The following MYO5B variants were observed in gnomAD, a reference collection of about 807,000 sequenced individuals.
The protein encoded by MYO5B is myosin VB.
Under a neutral mutation model 229.3 loss-of-function variants are expected in MYO5B, and 143 were observed. The ratio of observed to expected loss-of-function variants is 0.62; its 90% confidence interval spans 0.54 to 0.72. The LOEUF (loss-of-function observed/expected upper bound fraction) is 0.72, where lower values mean the gene tolerates loss of function less well. Ranked by LOEUF, MYO5B falls within the 30% of genes least tolerant of loss-of-function variation. The pLI is 0.00. For missense variants in MYO5B, 2,321 were observed against 2,331.0 expected (o/e 1.00, Z 0.09); for synonymous variants, 918 against 885.2 (o/e 1.04, Z -0.66).
At chr18:50,029,560 A>T (rs372526126) in intron 4 of MYO5B, among the ~76,000 whole-genome samples, 2 of 152,330 alleles carry the variant, frequency 1.3e-5, no homozygotes, top group Non-Finnish European at 1.5e-5. Context: ...TCACCCAGTC[A>T]TTGCTCCCTA....
intron 4 of MYO5B, among the ~76,000 whole-genome samples, chr18:50,007,172 C>T (rs371946670): frequency 1.3e-5 from 2 of 152,154 alleles, no homozygotes; most frequent in East Asian, 3.9e-4. Context: ...GTGCTTTCAC[C>T]TCGAATTCCC....
At chr18:49,937,117 G>A in intron 15 of MYO5B, 128 bp downstream of exon 15, 1 of 1,118,074 alleles carries the variant, frequency 8.9e-7, no homozygotes, top group Admixed American at 1.8e-5. Flanking sequence ...GATAGAGCTG[G>A]ATGGCTGAGG....
chr18:50,078,450 G>C (rs754077911), intron 1 of MYO5B, among the ~76,000 whole-genome samples: 84 of 152,110 alleles, frequency 5.5e-4, no homozygotes, highest in Non-Finnish European at 1.1e-3. Context: ...CTAAAATCTG[G>C]ATTGACACAT....
At chr18:49,930,621 G>T (rs547737371) in intron 16 of MYO5B, among the ~76,000 whole-genome samples, 2 of 152,238 alleles carry the variant, frequency 1.3e-5, no homozygotes, top group African/African-American at 4.8e-5. Flanking sequence ...GGCTGGATGC[G>T]GTGCCTCATG....
At chr18:50,011,016 A>G (rs2026155089) in intron 4 of MYO5B, among the ~76,000 whole-genome samples, 1 of 152,052 alleles carries the variant, frequency 6.6e-6, no homozygotes, top group South Asian at 2.1e-4. Flanking sequence ...CCTTTGATAG[A>G]TACTGCTTCA....
chr18:49,937,538 G>T, intron 14 of MYO5B, 141 bp from the exon 15 acceptor site: 1 of 994,872 alleles, frequency 1.0e-6, no homozygotes, highest in Non-Finnish European at 1.5e-6. Context: ...CTGCACAGCA[G>T]CGTTACTCCC....
intron 1 of MYO5B, among the ~76,000 whole-genome samples, chr18:50,091,351 T>G (rs1599014123): frequency 6.6e-6 from 1 of 152,368 alleles, no homozygotes; most frequent in East Asian, 1.9e-4. Flanking sequence ...TGGCACTGTA[T>G]CTGCAAAGTC....
chr18:49,834,386 TC>T (rs1198449373), intron 39 of MYO5B, among the ~76,000 whole-genome samples: 1 of 152,160 alleles, frequency 6.6e-6, no homozygotes, highest in East Asian at 1.9e-4. Context: ...GTGCTATGTC[TC>T]CCCTGAGGTG....
Position 49,824,416 on chromosome 18 carries a change from A to G in MYO5B, c.*2055T>C, listed in dbSNP as rs2023815606. 1 of 152,446 alleles carries G rather than the reference A, an allele frequency of 6.6e-6. No individual in the cohort carries two copies. Among genetic ancestry groups the G allele is most frequent in the South Asian group, 2.1e-4 (1 of 4,838 alleles). The allele number at this position is 152,446 out of a possible 1,614,324, so 9.4% of individuals were successfully genotyped here. The stretch of plus-strand genomic sequence containing the variant: ...CATTTATTCTAATTGCCAAGCTTTT[A>G]TTCAGTAAGCTCTTGGCACCTAGTG... On this transcript the variant is annotated 3_prime_UTR_variant, in exon 40 of 40. Transcript: ENST00000285039.
At chr18:50,138,764 A>T (rs2032374088) in intron 1 of MYO5B, among the ~76,000 whole-genome samples, 2 of 152,202 alleles carry the variant, frequency 1.3e-5, no homozygotes, top group Admixed American at 1.3e-4. Context: ...TTATCCACAG[A>T]TGAAGAAATA....
Position 49,984,793 on chromosome 18 carries a change from C to A in MYO5B, c.871G>T (p.Gly291Ter), listed in dbSNP as rs1465967428. 6.2e-7 allele frequency: 1 copy of A among 1,613,616 alleles called. No individual in the cohort carries two copies. The highest frequency in any genetic ancestry group is 1.3e-5 in the African/African-American group (1 of 74,894). ...SAEDFFYTSQ[G>*]GDTSIEGVDD... Reference sequence around the variant, plus strand: ...ACACCCTCGATGGAAGTGTCTCCTCCCTGTGATGTATAGAAAAAGTCCTCT... The same window carrying A: ...ACACCCTCGATGGAAGTGTCTCCTCACTGTGATGTATAGAAAAAGTCCTCT... Residue 291 changes from glycine to a stop codon, truncating the protein, a stop_gained, in exon 8 of 40, where the codon GGA (glycine) becomes TGA (stop). Coordinates refer to ENST00000285039, the MANE Select transcript of MYO5B (RefSeq NM_001080467.3). LOFTEE classifies it high-confidence loss of function.
intron 1 of MYO5B, among the ~76,000 whole-genome samples, chr18:50,162,955 T>A (rs1335251631): frequency 6.6e-6 from 1 of 152,232 alleles, no homozygotes; most frequent in Non-Finnish European, 1.5e-5. Flanking sequence ...CAAAGTGTCC[T>A]TGATGGAGAC....
chr18:50,069,358 G>A (rs189169544), intron 1 of MYO5B, among the ~76,000 whole-genome samples: 2 of 152,204 alleles, frequency 1.3e-5, no homozygotes, highest in East Asian at 3.9e-4. Context: ...ATCATGTCAG[G>A]ACAGAGTTCC....
chr18:49,947,594 G>C (rs1330068858), intron 14 of MYO5B, among the ~76,000 whole-genome samples: 1 of 152,186 alleles, frequency 6.6e-6, no homozygotes, highest in Non-Finnish European at 1.5e-5. Flanking sequence ...TATGTGTTTA[G>C]AGTTATTAAG....
intron 4 of MYO5B, among the ~76,000 whole-genome samples, chr18:50,028,472 A>G (rs1375729431): frequency 6.6e-6 from 1 of 152,126 alleles, no homozygotes; most frequent in African/African-American, 2.4e-5. Context: ...AGCCATGCTC[A>G]TAAGGAATGG....
intron 18 of MYO5B, among the ~76,000 whole-genome samples, chr18:49,910,091 G>A (rs2024940802): frequency 6.6e-6 from 1 of 152,212 alleles, no homozygotes; most frequent in East Asian, 1.9e-4. Context: ...AAGCTGCACT[G>A]AAGCCGAGCA....
At chr18:50,150,255 C>A (rs2144301932) in intron 1 of MYO5B, among the ~76,000 whole-genome samples, 1 of 144,450 alleles carries the variant, frequency 6.9e-6, no homozygotes. Context: ...CTAGTTCAAC[C>A]ATTGTGGAAG....
chr18:50,018,922 C>G (rs1448774254), intron 4 of MYO5B, among the ~76,000 whole-genome samples: 1 of 152,190 alleles, frequency 6.6e-6, no homozygotes, highest in Non-Finnish European at 1.5e-5. Flanking sequence ...CCCAAGCTAA[C>G]TAAAGAGGTA....
intron 15 of MYO5B, 97 bp downstream of exon 15, chr18:49,937,148 G>T: frequency 6.8e-7 from 1 of 1,465,192 alleles, no homozygotes; most frequent in Non-Finnish European, 9.5e-7. Flanking sequence ...CAAGGCTGCT[G>T]TGATGGCTTC....
Sources: gnomAD v4.1 joint callset for allele counts (sites outside exome capture counted in the v4.1 genomes callset) on GRCh38, gnomAD v4.1.1 for gene constraint, MANE v1.5 for transcripts, NCBI Gene and HGNC (gene_info 2026-07-23, HGNC 2026-07-21) for gene names.